RHD: variants seen among roughly 807,000 people sequenced by gnomAD.
RHD encodes the protein blood group Rh(D) polypeptide.
A neutral mutation model predicts 45.5 loss-of-function variants in RHD; 16 were observed. The ratio of observed to expected loss-of-function variants is 0.35; its 90% CI spans 0.24 to 0.53. RHD has a LOEUF of 0.53. Among genes scored for constraint, RHD ranks in the 20% least tolerant of loss-of-function variants. The pLI is 0.92. For missense variants in RHD, 306 were observed against 532.0 expected (o/e 0.58, Z 4.18); for synonymous variants, 131 against 217.5 (o/e 0.60, Z 3.50).
At chr1:25,311,056 G>T (rs1211328602) in intron 7 of RHD, among the ~76,000 whole-genome samples, 1 of 131,570 alleles carries the variant, frequency 7.6e-6, no homozygotes, top group Non-Finnish European at 1.8e-5. Flanking sequence ...GAAGACCCCA[G>T]AACTAGGGAA....
In RHD at chr1:25,301,519, G is replaced by A. The variant is rs1454022286; in HGVS notation, c.635-1G>A. The A allele has an allele frequency of 3.6e-6, 5 of 1,377,884 alleles. 2 individuals are homozygous for A. In the African/African-American group the frequency reaches 7.2e-5, roughly 20 times the overall value. The allele number at this position is 1,377,884 out of a possible 1,614,324, so 85.4% of individuals were successfully genotyped here. ...GGCCAACCACCCTCTCTGGCCCCCA[G>A]GCGCCCTCTTCTTGTGGATGTTCTG... is the stretch of plus-strand genomic sequence containing the variant. On this transcript the variant is annotated splice_acceptor_variant, in intron 4 of 9. Coordinates refer to ENST00000328664, the MANE Select transcript of RHD (RefSeq NM_016124.6). LOFTEE classifies it high-confidence loss of function.
At chr1:25,277,449 C>T (rs1377161878) in intron 1 of RHD, among the ~76,000 whole-genome samples, 3 of 133,448 alleles carry the variant, frequency 2.2e-5, no homozygotes, top group Non-Finnish European at 5.3e-5. Context: ...GCCCAGCAGT[C>T]TGTGTTTTCA....
chr1:25,291,351 C>G lies in RHD; in HGVS notation c.486+560C>G, dbSNP rs189093790. 3.1e-4 allele frequency among the ~76,000 whole-genome samples: 41 copies of G among 131,712 alleles called. 5 individuals are homozygous for G. Among genetic ancestry groups the G allele is most frequent in the African/African-American group, 9.8e-4 (38 of 38,708 alleles). 86.4% of individuals were successfully genotyped at this position (131,712 alleles called of 152,430 possible). ...GGGCATGGTGGCAGGCGCCTGTAAT[C>G]CCAGCTACTCAGGAGGCTGAGGCAA... On this transcript the variant is annotated intron_variant, in intron 3 of 9. Coordinates refer to ENST00000328664, the MANE Select transcript of RHD (RefSeq NM_016124.6).
chr1:25,315,020 T>C (rs1358971267), intron 7 of RHD, among the ~76,000 whole-genome samples: 1 of 129,244 alleles, frequency 7.7e-6, no homozygotes, highest in African/African-American at 2.6e-5. Flanking sequence ...CTGGCCAACA[T>C]GGTGAAGCCC....
At chr1:25,285,860 AG>A (rs1299210975) in intron 2 of RHD, among the ~76,000 whole-genome samples, 1 of 134,728 alleles carries the variant, frequency 7.4e-6, no homozygotes, top group Non-Finnish European at 1.8e-5. Context: ...GGACCTCTCA[AG>A]GCCATTCCAG....
intron 3 of RHD, among the ~76,000 whole-genome samples, chr1:25,291,223 C>A (rs1642477147): frequency 7.7e-6 from 1 of 129,378 alleles, no homozygotes; most frequent in African/African-American, 2.7e-5. Context: ...AATCCCAGCA[C>A]TTTGGGAGGC....
chr1:25,289,287 C>A lies in RHD; in HGVS notation c.336-1354C>A, dbSNP rs1161449883. Among the ~76,000 whole-genome samples the A allele has an allele frequency of 1.5e-5, 2 of 131,192 alleles. 1 individual carries two copies. The highest frequency in any genetic ancestry group is 5.2e-5 in the African/African-American group (2 of 38,430). The allele number at this position is 131,192 out of a possible 152,430, so 86.1% of individuals were successfully genotyped here. A position where few individuals can be genotyped will look rare whatever the true frequency, so the allele number is the denominator to read the frequency against. ...TCGGCCCACTGAAACCTCTGCCTCC[C>A]GGGTTCAAGCGACTGCCATGCCTCA... On this transcript the variant is annotated intron_variant, in intron 2 of 9. Coordinates refer to ENST00000328664, the MANE Select transcript of RHD (RefSeq NM_016124.6).
At chr1:25,295,990 G>A (rs572058969) in intron 3 of RHD, among the ~76,000 whole-genome samples, 1 of 116,112 alleles carries the variant, frequency 8.6e-6, no homozygotes, top group East Asian at 2.1e-4. Flanking sequence ...AGCTTCCCGA[G>A]TAGCTGAGAT....
At chr1:25,306,044 AG>A (rs200639957) in intron 6 of RHD, among the ~76,000 whole-genome samples, 1,752 of 131,814 alleles carry the variant, frequency 0.013, 280 homozygotes, top group African/African-American at 0.042. Flanking sequence ...AGGGATCTGA[AG>A]GTGTGGCCTC....
At position 25,279,003 on chromosome 1, in the gene RHD, G is replaced by A. The variant is rs585353; in HGVS notation, c.149-5570G>A. On this transcript the variant is annotated intron_variant, in intron 1 of 9. Coordinates refer to ENST00000328664, the MANE Select transcript of RHD (RefSeq NM_016124.6). The stretch of plus-strand genomic sequence containing the variant: ...TGAAGCTGGGTGTGACTTCAGAGCT[G>A]TTGGTGCTGAAGTTTCTGCAGGCCA... 1.5e-4 allele frequency among the ~76,000 whole-genome samples: 19 copies of A among 129,644 alleles called. 3 individuals carry two copies. Among genetic ancestry groups the A allele is most frequent in the Non-Finnish European group, 2.5e-4 (14 of 55,094 alleles). 85.1% of individuals were successfully genotyped at this position (129,644 alleles called of 152,430 possible).
At chr1:25,310,657 G>C (rs2124704477) in intron 7 of RHD, among the ~76,000 whole-genome samples, 1 of 132,212 alleles carries the variant, frequency 7.6e-6, no homozygotes, top group East Asian at 2.0e-4. Flanking sequence ...GAGCAGGCTA[G>C]AAAAAGCCTG....
chr1:25,280,224 A>G lies in RHD; in HGVS notation c.149-4349A>G, dbSNP rs1362589982. ...TTGGGGAGGAAGGCCCTGAGCGCGTATACCTGGAATCAGGGAATCGGGATC... is the reference window on the plus strand; with the variant it reads ...TTGGGGAGGAAGGCCCTGAGCGCGTGTACCTGGAATCAGGGAATCGGGATC... On this transcript the variant is annotated intron_variant, in intron 1 of 9. Transcript: ENST00000328664. Among the ~76,000 whole-genome samples, 2 of 128,168 alleles carry G rather than the reference A, an allele frequency of 1.6e-5. 1 individual carries two copies. Among genetic ancestry groups the G allele is most frequent in the Non-Finnish European group, 3.7e-5 (2 of 54,766 alleles). The allele number at this position is 128,168 out of a possible 152,430, so 84.1% of individuals were successfully genotyped here. A position where few individuals can be genotyped will look rare whatever the true frequency, so the allele number is the denominator to read the frequency against.
intron 7 of RHD, among the ~76,000 whole-genome samples, chr1:25,309,978 T>TAAAAAAACCC (rs1553146491): frequency 4.5e-5 from 6 of 132,050 alleles, no homozygotes; most frequent in African/African-American, 1.5e-4. Context: ...ACTTATTACT[T>TAAAAAAACCC]AAAAAAACCC....
At chr1:25,293,549 C>A (rs1314078680) in intron 3 of RHD, among the ~76,000 whole-genome samples, 1 of 130,996 alleles carries the variant, frequency 7.6e-6, no homozygotes, top group African/African-American at 2.6e-5. Context: ...TGATATGTCT[C>A]TGGGGAAACT....
intron 7 of RHD, among the ~76,000 whole-genome samples, chr1:25,309,349 C>G (rs537011312): frequency 0.013 from 1,696 of 130,798 alleles, 263 homozygotes; most frequent in African/African-American, 0.042. Flanking sequence ...CCCCACTTGG[C>G]CTGAGAATCT....
chr1:25,282,538 T>G (rs1336460059), intron 1 of RHD, among the ~76,000 whole-genome samples: 1 of 132,242 alleles, frequency 7.6e-6, no homozygotes, highest in African/African-American at 2.6e-5. Flanking sequence ...GGTGGCAATT[T>G]AGTGAGGTTT....
intron 7 of RHD, among the ~76,000 whole-genome samples, chr1:25,310,092 A>G (rs1343255256): frequency 7.5e-6 from 1 of 132,696 alleles, no homozygotes; most frequent in African/African-American, 2.5e-5. Flanking sequence ...ACCAACACCC[A>G]GAACCTCTTC....
rs183889209 is a variant in RHD, at chr1:25,288,670, G to C, written c.336-1971G>C. ...ACAGAGTGATTAAATAAATTGCCCA[G>C]GATCACACAGCCAGAAAGTGTCTGA... On this transcript the variant is annotated intron_variant, in intron 2 of 9. Transcript: ENST00000328664. 5.5e-4 allele frequency among the ~76,000 whole-genome samples: 70 copies of C among 127,854 alleles called. 11 individuals are homozygous for C. Among genetic ancestry groups the C allele is most frequent in the African/African-American group, 1.8e-3 (68 of 36,772 alleles). The allele number at this position is 127,854 out of a possible 152,430, so 83.9% of individuals were successfully genotyped here.
chr1:25,307,882 G>T lies in RHD; in HGVS notation c.1073+1153G>T. 20 of 1,231,216 alleles carry T rather than the reference G, an allele frequency of 1.6e-5. 3 individuals carry two copies. Among genetic ancestry groups the T allele is most frequent in the Non-Finnish European group, 2.2e-5 (19 of 882,558 alleles). The allele number at this position is 1,231,216 out of a possible 1,614,324, so 76.3% of individuals were successfully genotyped here. On this transcript the variant is annotated intron_variant, in intron 7 of 9. Coordinates refer to ENST00000328664, the MANE Select transcript of RHD (RefSeq NM_016124.6). ...GTGAAGCAAGGCGCCTCTGTGATGG[G>T]TTCCAGTGATGTGTCTGCCACTGTC...
Sources: allele counts gnomAD v4.1 joint callset (sites outside exome capture counted in the v4.1 genomes callset), GRCh38; gene constraint gnomAD v4.1.1; transcripts MANE v1.5; gene names NCBI Gene and HGNC (gene_info 2026-07-23, HGNC 2026-07-21).